TSHZ3: variants seen among roughly 807,000 people sequenced by gnomAD.
The protein encoded by TSHZ3 is teashirt zinc finger homeobox 3.
Under a neutral mutation model 64.5 loss-of-function variants are expected in TSHZ3, and 10 were observed. That is an observed-to-expected ratio of 0.16 (90% confidence interval 0.10 to 0.26). The LOEUF (loss-of-function observed/expected upper bound fraction) is 0.26, where lower values mean the gene tolerates loss of function less well. Ranked by LOEUF, TSHZ3 falls within the 10% of genes least tolerant of loss-of-function variation. The pLI, the probability that TSHZ3 is intolerant of heterozygous loss-of-function variation, is 1.00. For synonymous variants in TSHZ3, 608 were observed against 593.1 expected, an observed-to-expected ratio of 1.03 and a Z score of -0.36; for missense variants, 1,242 against 1,421.7, an observed-to-expected ratio of 0.87 and a Z score of 2.03.
At chr19:31,265,587 G>C (rs1976044658) in intron 1 of TSHZ3, among the ~76,000 whole-genome samples, 1 of 152,044 alleles carries the variant, frequency 6.6e-6, no homozygotes, top group Admixed American at 6.6e-5. Context: ...TTAGCAAACT[G>C]AGGCCAGACA....
intron 5 of TSHZ3, among the ~76,000 whole-genome samples, chr19:31,165,189 C>T (rs1198532092): frequency 6.6e-6 from 1 of 152,204 alleles, no homozygotes; most frequent in African/African-American, 2.4e-5. Context: ...TCAGCGTCTG[C>T]CAATCTATCA....
At chr19:31,165,035 C>A (rs1366344972) in intron 5 of TSHZ3, among the ~76,000 whole-genome samples, 2 of 152,212 alleles carry the variant, frequency 1.3e-5, no homozygotes, top group East Asian at 1.9e-4. Context: ...CCAGGGCCGG[C>A]GTTTGTTCCT....
chr19:31,349,609 C>T (rs2021643214), upstream of TSHZ3: 1 of 167,840 alleles, frequency 6.0e-6, no homozygotes, highest in Admixed American at 6.5e-5. Context: ...GGCCCTGCCC[C>T]CCCCCGCCCC....
intron 1 of TSHZ3, among the ~76,000 whole-genome samples, chr19:31,260,331 A>T (rs1429931579): frequency 6.6e-6 from 1 of 152,116 alleles, no homozygotes; most frequent in Non-Finnish European, 1.5e-5. Context: ...TGCCCTGCCT[A>T]ACTAAGTACA....
intron 5 of TSHZ3, among the ~76,000 whole-genome samples, chr19:31,166,336 G>A (rs564302946): frequency 6.6e-6 from 1 of 152,336 alleles, no homozygotes; most frequent in East Asian, 1.9e-4. Context: ...GTTGTCTCAG[G>A]AGCTAAGCAG....
intron 5 of TSHZ3, among the ~76,000 whole-genome samples, chr19:31,176,754 C>T (rs1974613186): frequency 6.6e-6 from 1 of 152,118 alleles, no homozygotes; most frequent in African/African-American, 2.4e-5. Context: ...TGCACCAGTG[C>T]ACTTTAGCCT....
chr19:31,349,145 G>A (rs993059682), intron 1 of TSHZ3, 35 bp downstream of exon 1: 9 of 1,538,164 alleles, frequency 5.9e-6, no homozygotes, highest in African/African-American at 4.2e-5. Context: ...AGGAAGAGGA[G>A]GAGGAGAGCA....
At chr19:31,330,345 G>A (rs907493861) in intron 1 of TSHZ3, among the ~76,000 whole-genome samples, 8 of 152,188 alleles carry the variant, frequency 5.3e-5, no homozygotes, top group East Asian at 3.9e-4. Context: ...TGAGCTGACC[G>A]GCAGGCATGG....
At position 31,278,053 on chromosome 19, in the gene TSHZ3, A is replaced by T; in HGVS notation, c.1740T>A (p.Ser580Arg). The T allele has an allele frequency of 1.2e-6, 2 of 1,613,516 alleles. No homozygotes were observed. The highest frequency in any genetic ancestry group is 1.7e-6 in the Non-Finnish European group (2 of 1,179,568). The change falls in exon 2 of 2, where the codon AGT (serine) becomes AGA (arginine). Residue 580 changes from serine to arginine, a missense_variant. Transcript: ENST00000240587. This position sits in a 1 kb window ranked among gnomAD's most constrained non-coding sequence, Gnocchi z 4.7. ...GGTTTTTCGTCGGGGAGACAATCTC[A>T]CTGTTGCCAAACATGGGTTTCAGGG... ...STPLKPMFGN[S>R]EIVSPTKNQT... is the part of the protein sequence containing the mutation.
chr19:31,343,219 GTATGA>G (rs1246565205), intron 1 of TSHZ3, among the ~76,000 whole-genome samples: 1 of 152,150 alleles, frequency 6.6e-6, no homozygotes, highest in Admixed American at 6.5e-5. Flanking sequence ...TGTCCTGACA[GTATGA>G]ATTAATAATT....
At chr19:31,317,628 TGAG>T (rs1347083334) in intron 1 of TSHZ3, among the ~76,000 whole-genome samples, 1 of 152,148 alleles carries the variant, frequency 6.6e-6, no homozygotes, top group Admixed American at 6.5e-5. Flanking sequence ...AAGCCAGGTG[TGAG>T]GAGAACAGCA....
intron 5 of TSHZ3, among the ~76,000 whole-genome samples, chr19:31,171,024 AT>A (rs1364114744): frequency 3.3e-5 from 5 of 152,202 alleles, no homozygotes; most frequent in Non-Finnish European, 5.9e-5. Flanking sequence ...TAGAGTAGAA[AT>A]TCTTTAGAAA....
At chr19:31,201,062 T>C (rs1802905084) in intron 5 of TSHZ3, among the ~76,000 whole-genome samples, 1 of 152,138 alleles carries the variant, frequency 6.6e-6, no homozygotes, top group South Asian at 2.1e-4. Flanking sequence ...GATCCCAACA[T>C]TGTGACAGTG....
At chr19:31,154,839 A>G (rs1040824698) in intron 6 of TSHZ3, among the ~76,000 whole-genome samples, 12 of 143,010 alleles carry the variant, frequency 8.4e-5, no homozygotes, top group Non-Finnish European at 1.7e-4. Flanking sequence ...GCTTGAAGGC[A>G]GGGTTTTGTG....
At chr19:31,295,019 G>C (rs924927303) in intron 1 of TSHZ3, among the ~76,000 whole-genome samples, 4 of 152,000 alleles carry the variant, frequency 2.6e-5, no homozygotes, top group African/African-American at 4.8e-5. Flanking sequence ...ATCATACATA[G>C]CCCCTCAACA....
intron 5 of TSHZ3, among the ~76,000 whole-genome samples, chr19:31,183,849 T>C (rs1050357312): frequency 6.6e-6 from 1 of 152,148 alleles, no homozygotes; most frequent in African/African-American, 2.4e-5. Context: ...CCCTTTCTAA[T>C]AAAGGGCCAT....
At chr19:31,236,584 A>T (rs1975618447) in intron 3 of TSHZ3, among the ~76,000 whole-genome samples, 1 of 152,192 alleles carries the variant, frequency 6.6e-6, no homozygotes. Context: ...CCATTCCCTT[A>T]GGAGTGTCCT....
At chr19:31,150,589 GC>G (rs200058776) in exon 7 of TSHZ3, among the ~76,000 whole-genome samples, 7 of 152,184 alleles carry the variant, frequency 4.6e-5, no homozygotes, top group Non-Finnish European at 7.3e-5. Flanking sequence ...GGAGATGGCT[GC>G]CCCACTACGG....
chr19:31,155,826 C>T (rs1465756622), intron 6 of TSHZ3, among the ~76,000 whole-genome samples: 1 of 152,212 alleles, frequency 6.6e-6, no homozygotes, highest in East Asian at 1.9e-4. Context: ...TTTTCCAGGA[C>T]ACCGATCTAA....
Sources: allele counts gnomAD v4.1 joint callset (sites outside exome capture counted in the v4.1 genomes callset), GRCh38; gene constraint gnomAD v4.1.1; non-coding constraint Gnocchi (gnomAD v3.1); transcripts MANE v1.5; gene names NCBI Gene and HGNC (gene_info 2026-07-23, HGNC 2026-07-21).